The following DRC9 variants were observed in gnomAD, a reference collection of about 807,000 sequenced individuals.
The protein encoded by DRC9 is dynein regulatory complex protein 9.
the DRC9 span, among the ~76,000 whole-genome samples, chr3:197,891,232 C>T: frequency 6.6e-6 from 1 of 152,152 alleles, no homozygotes; most frequent in Non-Finnish European, 1.5e-5. Flanking sequence ...CTCTTTTTCC[C>T]CAGATGAAGA....
chr3:197,938,829 C>T, the DRC9 span: 5 of 1,346,758 alleles, frequency 3.7e-6, no homozygotes, highest in African/African-American at 5.9e-5. Context: ...AGAGACAATA[C>T]AACAAGAAAG....
chr3:197,926,451 T>C, the DRC9 span, among the ~76,000 whole-genome samples: 1 of 152,242 alleles, frequency 6.6e-6, no homozygotes. Context: ...GAATCCTTTC[T>C]ACTTTGGGCA....
the DRC9 span, chr3:197,932,060 T>A: frequency 8.6e-7 from 1 of 1,158,728 alleles, no homozygotes; most frequent in Non-Finnish European, 1.2e-6. Flanking sequence ...TGACTTCTAG[T>A]TATCTTCCCT....
At chr3:197,949,185 G>A in the DRC9 span, among the ~76,000 whole-genome samples, 1 of 152,132 alleles carries the variant, frequency 6.6e-6, no homozygotes, top group East Asian at 1.9e-4. Context: ...TAAGCTCCAC[G>A]AGGGCATAGA....
the DRC9 span, among the ~76,000 whole-genome samples, chr3:197,952,361 G>A: frequency 6.6e-6 from 1 of 151,488 alleles, no homozygotes; most frequent in East Asian, 1.9e-4. Context: ...GTAGAGATGG[G>A]GTTTCACCAT....
the DRC9 span, chr3:197,950,113 G>A: frequency 8.1e-7 from 1 of 1,231,456 alleles, no homozygotes; most frequent in Non-Finnish European, 1.0e-6. Flanking sequence ...TTTTTCTGGC[G>A]TTTGGAGAAG....
the DRC9 span, among the ~76,000 whole-genome samples, chr3:197,936,654 C>T: frequency 2.0e-5 from 3 of 152,228 alleles, no homozygotes; most frequent in African/African-American, 4.8e-5. Context: ...TGAGCTGCCA[C>T]GCCTGGCCTG....
At chr3:197,913,812 T>G in the DRC9 span, 1 of 1,463,056 alleles carries the variant, frequency 6.8e-7, no homozygotes, top group Non-Finnish European at 9.6e-7. Flanking sequence ...CTTTGTTAGC[T>G]GAGAGGGGAT....
chr3:197,937,397 C>T, the DRC9 span, among the ~76,000 whole-genome samples: 1 of 151,976 alleles, frequency 6.6e-6, no homozygotes, highest in Non-Finnish European at 1.5e-5. Flanking sequence ...CAAGCTGTGC[C>T]AGGTACTAAA....
At chr3:197,912,248 C>T in the DRC9 span, among the ~76,000 whole-genome samples, 1 of 152,002 alleles carries the variant, frequency 6.6e-6, no homozygotes, top group South Asian at 2.1e-4. Context: ...CCATATTGGT[C>T]AGGCTGGTCC....
At chr3:197,932,645 A>G in the DRC9 span, among the ~76,000 whole-genome samples, 1 of 148,276 alleles carries the variant, frequency 6.7e-6, no homozygotes, top group Non-Finnish European at 1.5e-5. Flanking sequence ...AAATAAATAA[A>G]TAAATAAATA....
At chr3:197,947,894 T>C in the DRC9 span, among the ~76,000 whole-genome samples, 19 of 150,748 alleles carry the variant, frequency 1.3e-4, no homozygotes, top group Admixed American at 6.6e-4. Context: ...CCCGGGAGAC[T>C]CCATCATCCC....
chr3:197,923,222 A>G, the DRC9 span, among the ~76,000 whole-genome samples: 1 of 152,162 alleles, frequency 6.6e-6, no homozygotes, highest in African/African-American at 2.4e-5. Context: ...AGGCTCACGC[A>G]GTCCTCCTAC....
the DRC9 span, among the ~76,000 whole-genome samples, chr3:197,901,149 T>TA: frequency 6.6e-6 from 1 of 151,992 alleles, no homozygotes; most frequent in Middle Eastern, 3.2e-3. The surrounding 1 kb of genome is among the most constrained non-coding windows in gnomAD (Gnocchi z 4.4). Context: ...GCCTTGACTC[T>TA]TTTTTTTGAG....
the DRC9 span, chr3:197,914,092 T>G: frequency 6.7e-7 from 1 of 1,492,772 alleles, no homozygotes; most frequent in Non-Finnish European, 9.3e-7. Flanking sequence ...TCTACCTCCA[T>G]TCAGTTCAGT....
At chr3:197,960,172 C>T in the DRC9 span, 3 of 1,509,436 alleles carry the variant, frequency 2.0e-6, no homozygotes, top group Admixed American at 5.8e-5. Context: ...CCGTCTACCC[C>T]CAGCGGCGAG....
chr3:197,899,738 T>C, the DRC9 span, among the ~76,000 whole-genome samples: 1 of 152,112 alleles, frequency 6.6e-6, no homozygotes, highest in South Asian at 2.1e-4. Context: ...CCTCCACTGA[T>C]AGTTCCCCCC....
At chr3:197,932,511 T>C in the DRC9 span, among the ~76,000 whole-genome samples, 1 of 151,746 alleles carries the variant, frequency 6.6e-6, no homozygotes. Flanking sequence ...GGCAGGTGTC[T>C]GTAATCCCAG....
At chr3:197,905,278 A>G in the DRC9 span, among the ~76,000 whole-genome samples, 1 of 152,030 alleles carries the variant, frequency 6.6e-6, no homozygotes, top group Non-Finnish European at 1.5e-5. Context: ...GGTGATGGAG[A>G]CCCCAATTCC....
Sources: gnomAD v4.1 joint callset for allele counts (sites outside exome capture counted in the v4.1 genomes callset) on GRCh38, gnomAD v4.1.1 for gene constraint, Gnocchi (gnomAD v3.1) non-coding constraint, MANE v1.5 for transcripts, NCBI Gene and HGNC (gene_info 2026-07-23, HGNC 2026-07-21) for gene names.